The following CAMKMT variants were observed in gnomAD, a reference collection of about 807,000 sequenced individuals.
CAMKMT encodes the protein CaM KMT.
A neutral mutation model predicts 48.0 loss-of-function variants in CAMKMT; 53 were observed. The observed-to-expected ratio is 1.10, with a 90% CI of 0.89 to 1.39. The LOEUF (loss-of-function observed/expected upper bound fraction) is 1.39. Ranked by LOEUF, CAMKMT falls within the 40% of genes most tolerant of loss-of-function variation. The probability of loss-of-function intolerance (pLI) is 0.00; values close to 1 mark genes in which losing one functional copy is unlikely to be tolerated. For missense variants in CAMKMT, 428 were observed against 402.7 expected, an observed-to-expected ratio of 1.06 and a Z score of -0.54; for synonymous variants, 165 against 152.3, an observed-to-expected ratio of 1.08 and a Z score of -0.61.
chr2:44,673,716 A>G (rs1675497423), intron 3 of CAMKMT, among the ~76,000 whole-genome samples: 1 of 152,184 alleles, frequency 6.6e-6, no homozygotes, highest in African/African-American at 2.4e-5. Context: ...CGTTAAGGAA[A>G]GGGGGAAGAA....
At position 44,473,424 on chromosome 2, in the gene CAMKMT, TTGAG is replaced by T. The variant is rs150270317; in HGVS notation, c.376+83122_376+83125del. ...ATTGAAGAAGGATCATTGTGGTAGATTGAGTGCCAGAATTTTTTTTAAAAACAGT... is the reference window on the plus strand; with the variant it reads ...ATTGAAGAAGGATCATTGTGGTAGATTGCCAGAATTTTTTTTAAAAACAGT... On this transcript the variant is annotated intron_variant, in intron 3 of 10. Coordinates refer to ENST00000378494, the MANE Select transcript of CAMKMT (RefSeq NM_024766.5). 2.6e-5 allele frequency among the ~76,000 whole-genome samples: 4 copies of T among 152,304 alleles called. No individual in the cohort carries two copies. The East Asian group carries it at 5.8e-4, about 22-fold the overall frequency.
chr2:44,744,455 T>G (rs1049685144), intron 8 of CAMKMT, among the ~76,000 whole-genome samples: 19 of 152,308 alleles, frequency 1.2e-4, no homozygotes, highest in African/African-American at 4.6e-4. Context: ...CTTATGTATT[T>G]CTTCATGCAG....
intron 3 of CAMKMT, among the ~76,000 whole-genome samples, chr2:44,423,267 C>G (rs192438373): frequency 2.6e-5 from 4 of 152,190 alleles, no homozygotes; most frequent in South Asian, 2.1e-4. Context: ...GCAACCTCTA[C>G]CTCCTGGGTT....
intron 3 of CAMKMT, among the ~76,000 whole-genome samples, chr2:44,513,095 A>G (rs944639228): frequency 6.6e-6 from 1 of 152,124 alleles, no homozygotes; most frequent in African/African-American, 2.4e-5. Context: ...GTATGTGTTT[A>G]TTTTCACATC....
intron 1 of CAMKMT, among the ~76,000 whole-genome samples, chr2:44,369,350 T>G (rs956620078): frequency 6.6e-5 from 10 of 152,346 alleles, no homozygotes; most frequent in African/African-American, 2.4e-4. Flanking sequence ...TACTGATATA[T>G]TTTCTTGATT....
intron 8 of CAMKMT, among the ~76,000 whole-genome samples, chr2:44,746,098 A>T (rs917222131): frequency 3.3e-5 from 5 of 152,246 alleles, no homozygotes; most frequent in Admixed American, 6.5e-5. Flanking sequence ...AATAGATCAC[A>T]TTAAGTCTCA....
intron 8 of CAMKMT, among the ~76,000 whole-genome samples, chr2:44,746,272 G>T (rs867508072): frequency 1.3e-5 from 2 of 152,302 alleles, no homozygotes; most frequent in Middle Eastern, 6.8e-3. Context: ...CAGTGGTACT[G>T]CTTGATCCCA....
At position 44,765,839 on chromosome 2, in the gene CAMKMT, A is replaced by C. The variant is rs186030540; in HGVS notation, c.763-591A>C. Among the ~76,000 whole-genome samples the C allele has an allele frequency of 3.3e-3, 499 of 152,318 alleles. 1 individual carries two copies. The highest frequency in any genetic ancestry group is 0.027 in the Middle Eastern group (8 of 294). On this transcript the variant is annotated intron_variant, in intron 9 of 10. Transcript: ENST00000378494. ...GATGACCATCATGAGGGATTCAATA[A>C]AGTTGGAAACCAAGATCCTGGAGCC... is the stretch of plus-strand genomic sequence containing the variant.
chr2:44,711,980 G>A (rs1362590633), intron 6 of CAMKMT, among the ~76,000 whole-genome samples: 1 of 152,068 alleles, frequency 6.6e-6, no homozygotes, highest in Non-Finnish European at 1.5e-5. Flanking sequence ...AAATGATTTG[G>A]TGAACGTCAT....
intron 6 of CAMKMT, among the ~76,000 whole-genome samples, chr2:44,710,650 A>G (rs920685677): frequency 2.0e-5 from 3 of 152,144 alleles, no homozygotes; most frequent in Non-Finnish European, 4.4e-5. Context: ...TTTAGTGTCA[A>G]GAAAGAAATC....
chr2:44,518,132 A>G (rs947114314), intron 3 of CAMKMT, among the ~76,000 whole-genome samples: 11 of 152,146 alleles, frequency 7.2e-5, no homozygotes, highest in Non-Finnish European at 1.5e-4. Context: ...GAGATAATGT[A>G]GGAGTATGGA....
intron 3 of CAMKMT, among the ~76,000 whole-genome samples, chr2:44,444,304 G>C (rs1284625591): frequency 6.6e-6 from 1 of 152,144 alleles, no homozygotes; most frequent in African/African-American, 2.4e-5. Flanking sequence ...TCTTAGAATT[G>C]TCGGATATGT....
At chr2:44,602,289 T>G (rs1671040974) in intron 3 of CAMKMT, among the ~76,000 whole-genome samples, 1 of 152,100 alleles carries the variant, frequency 6.6e-6, no homozygotes, top group Non-Finnish European at 1.5e-5. Flanking sequence ...GGCCCTGCTT[T>G]TAGAAAATTT....
intron 3 of CAMKMT, among the ~76,000 whole-genome samples, chr2:44,578,052 G>T (rs1669331318): frequency 6.6e-6 from 1 of 152,120 alleles, no homozygotes; most frequent in Admixed American, 6.6e-5. Context: ...CTAATAAAAT[G>T]TGTATGCTTT....
chr2:44,635,043 A>G (rs547864053), intron 3 of CAMKMT, among the ~76,000 whole-genome samples: 1 of 152,312 alleles, frequency 6.6e-6, no homozygotes, highest in South Asian at 2.1e-4. Context: ...ATTGCATTCC[A>G]GTTTGGATGA....
At chr2:44,523,606 C>T (rs1172148153) in intron 3 of CAMKMT, among the ~76,000 whole-genome samples, 1 of 151,456 alleles carries the variant, frequency 6.6e-6, no homozygotes, top group Non-Finnish European at 1.5e-5. Flanking sequence ...AGGGGACCCA[C>T]TTATAAGATG....
At chr2:44,520,041 C>T (rs2104793795) in intron 3 of CAMKMT, among the ~76,000 whole-genome samples, 1 of 140,582 alleles carries the variant, frequency 7.1e-6, no homozygotes, top group East Asian at 2.0e-4. Flanking sequence ...GAAACCCTGT[C>T]TCAACTAAAA....
chr2:44,540,887 C>G (rs950015839), intron 3 of CAMKMT, among the ~76,000 whole-genome samples: 1 of 152,208 alleles, frequency 6.6e-6, no homozygotes, highest in African/African-American at 2.4e-5. Flanking sequence ...GAAGTTTATT[C>G]TTATGCATGA....
At chr2:44,664,826 G>A (rs1414030988) in intron 3 of CAMKMT, among the ~76,000 whole-genome samples, 2 of 152,080 alleles carry the variant, frequency 1.3e-5, no homozygotes, top group Admixed American at 1.3e-4. Flanking sequence ...AAAAAAAGCA[G>A]ACAGAAAATG....
Sources: gnomAD v4.1 joint callset for allele counts (sites outside exome capture counted in the v4.1 genomes callset) on GRCh38, gnomAD v4.1.1 for gene constraint, MANE v1.5 for transcripts, NCBI Gene and HGNC (gene_info 2026-07-23, HGNC 2026-07-21) for gene names.